ANKRD17: variants seen among roughly 807,000 people sequenced by gnomAD.
ANKRD17 encodes the protein ankyrin repeat domain-containing protein 17.
ANKRD17 carries 19 observed loss-of-function variants against 229.7 expected under a neutral mutation model. The observed-to-expected ratio is 0.08, with a 90% CI of 0.06 to 0.12. The LOEUF (loss-of-function observed/expected upper bound fraction) is 0.12. Among genes scored for constraint, ANKRD17 ranks in the 10% least tolerant of loss-of-function variants. ANKRD17 has a pLI of 1.00. For missense variants in ANKRD17, 2,176 were observed against 3,176.8 expected, an observed-to-expected ratio of 0.68 and a Z score of 7.57; for synonymous variants, 1,112 against 1,146.1, an observed-to-expected ratio of 0.97 and a Z score of 0.60.
At chr4:73,129,411 G>C (rs1017190745) in intron 16 of ANKRD17, among the ~76,000 whole-genome samples, 17 of 152,174 alleles carry the variant, frequency 1.1e-4, no homozygotes, top group Admixed American at 3.3e-4. Flanking sequence ...AAAAAGCACT[G>C]AACTGTGTGA....
At chr4:73,106,599 G>T (rs981366893) in intron 24 of ANKRD17, among the ~76,000 whole-genome samples, 2 of 152,054 alleles carry the variant, frequency 1.3e-5, no homozygotes, top group Non-Finnish European at 2.9e-5. Context: ...AAAATACGCG[G>T]GCTGGGCACG....
At chr4:73,238,559 G>A (rs972531885) in intron 1 of ANKRD17, among the ~76,000 whole-genome samples, 1 of 152,064 alleles carries the variant, frequency 6.6e-6, no homozygotes, top group African/African-American at 2.4e-5. Flanking sequence ...GCTACATTCA[G>A]GTAAAGTGTT....
chr4:73,200,263 A>T (rs1296026910), intron 1 of ANKRD17, among the ~76,000 whole-genome samples: 1 of 152,130 alleles, frequency 6.6e-6, no homozygotes, highest in East Asian at 1.9e-4. Context: ...TTTGTCTCAG[A>T]ACAGTGGTTC....
At chr4:73,121,789 T>C (rs1234651727) in intron 18 of ANKRD17, 30 bp from the exon 19 acceptor site, 2 of 1,559,410 alleles carry the variant, frequency 1.3e-6, no homozygotes, top group South Asian at 1.2e-5. Context: ...AAATATGTTT[T>C]CTTATGGAGA....
At chr4:73,209,156 A>C (rs1002566232) in intron 1 of ANKRD17, among the ~76,000 whole-genome samples, 4 of 152,260 alleles carry the variant, frequency 2.6e-5, no homozygotes, top group Non-Finnish European at 5.9e-5. Context: ...TAGTGAGCCA[A>C]GATCGTGCCA....
chr4:73,111,441 A>T (rs1310412685), intron 24 of ANKRD17, among the ~76,000 whole-genome samples: 1 of 152,162 alleles, frequency 6.6e-6, no homozygotes, highest in Non-Finnish European at 1.5e-5. Context: ...ATTTCATCAC[A>T]CTACTCAGAA....
intron 15 of ANKRD17, among the ~76,000 whole-genome samples, chr4:73,137,506 G>A (rs965651830): frequency 5.3e-5 from 8 of 152,132 alleles, no homozygotes; most frequent in Admixed American, 3.9e-4. Context: ...AAACCCCTAA[G>A]AAAGAAGTGG....
chr4:73,257,963 C>A, intron 1 of ANKRD17, among the ~76,000 whole-genome samples: 1 of 147,748 alleles, frequency 6.8e-6, no homozygotes, highest in Non-Finnish European at 1.5e-5. Context: ...GCAGACCACC[C>A]CCCCACCCCC....
intron 1 of ANKRD17, among the ~76,000 whole-genome samples, chr4:73,195,542 C>T (rs1303815378): frequency 6.6e-6 from 1 of 151,978 alleles, no homozygotes; most frequent in Non-Finnish European, 1.5e-5. Context: ...CAGAGTCTCA[C>T]TCTGTCACCA....
At chr4:73,257,426 C>G (rs1745549611) in intron 1 of ANKRD17, among the ~76,000 whole-genome samples, 1 of 152,154 alleles carries the variant, frequency 6.6e-6, no homozygotes, top group African/African-American at 2.4e-5. Context: ...CCTTCCTATT[C>G]CAACTCACCA....
intron 1 of ANKRD17, among the ~76,000 whole-genome samples, chr4:73,182,999 A>G (rs967650525): frequency 8.5e-5 from 13 of 152,178 alleles, no homozygotes; most frequent in Non-Finnish European, 4.4e-5. Flanking sequence ...AAAAATCATG[A>G]AGGAGAAAGA....
chr4:73,083,937 A>AC (rs949287439), intron 30 of ANKRD17, among the ~76,000 whole-genome samples: 109 of 151,986 alleles, frequency 7.2e-4, no homozygotes, highest in African/African-American at 2.4e-3. Context: ...AGTTAAAAAA[A>AC]AAAACAAAAC....
At position 73,139,941 on chromosome 4, in the gene ANKRD17, T is replaced by C; in HGVS notation, c.2675A>G (p.Lys892Arg). Residue 892 changes from lysine (K) to arginine (R), a missense_variant, in exon 15 of 34, where the codon AAA (lysine) becomes AGA (arginine). Physicochemically the swap from Lys to Arg is conservative, Grantham distance 26. Around this residue, in one of 18 missense-constraint regions of ANKRD17, gnomAD observed 230 missense variants for 252.3 expected, o/e 0.91. Transcript: ENST00000358602. ...QQLKKQYLEV[K>R]AQRIQLQQQQ... ...TTGCTGAAGTTGAATTCTTTGAGCTTTAACCTCTAGATACTGCTTTTTTAG... is the reference window on the plus strand; with the variant it reads ...TTGCTGAAGTTGAATTCTTTGAGCTCTAACCTCTAGATACTGCTTTTTTAG... 1 of 1,614,208 alleles carries C rather than the reference T, an allele frequency of 6.2e-7. No individual in the cohort carries two copies. Among genetic ancestry groups the C allele is most frequent in the South Asian group, 1.1e-5 (1 of 91,080 alleles).
Position 73,249,054 on chromosome 4 carries a change from T to C in ANKRD17, c.393+9222A>G, listed in dbSNP as rs142940580. Among the ~76,000 whole-genome samples, 1,035 of 152,258 alleles carry C rather than the reference T, an allele frequency of 6.8e-3. 11 individuals are homozygous for C. The highest frequency in any genetic ancestry group is 0.024 in the African/African-American group (1,004 of 41,532). ...TTTCTTGTCAATCTTCACATTTAGG[T>C]TGACAGGAAAAGAGGGAAAGGAAAA... On this transcript the variant is annotated intron_variant, in intron 1 of 33. Transcript: ENST00000358602.
intron 15 of ANKRD17, among the ~76,000 whole-genome samples, chr4:73,136,901 T>A (rs1728962671): frequency 6.6e-6 from 1 of 151,902 alleles, no homozygotes; most frequent in African/African-American, 2.4e-5. Context: ...AAAATCTAAG[T>A]TTTATTGTTA....
At chr4:73,085,553 ATT>A in intron 29 of ANKRD17, 107 bp from the exon 30 acceptor site, 1 of 1,019,894 alleles carries the variant, frequency 9.8e-7, no homozygotes, top group Non-Finnish European at 1.4e-6. Flanking sequence ...ATTTTAGATA[ATT>A]AAAAAAATCC....
chr4:73,083,358 C>A (rs1721764319), intron 30 of ANKRD17, among the ~76,000 whole-genome samples: 1 of 152,058 alleles, frequency 6.6e-6, no homozygotes, highest in Admixed American at 6.6e-5. Context: ...AAGAAAATAT[C>A]CTTATTCTTA....
chr4:73,107,556 TG>T (rs1228694811), intron 24 of ANKRD17, among the ~76,000 whole-genome samples: 3 of 152,258 alleles, frequency 2.0e-5, no homozygotes, highest in Admixed American at 2.0e-4. Context: ...AATGTGTGTA[TG>T]GAGACAAATG....
At chr4:73,221,807 G>A (rs1741891934) in intron 1 of ANKRD17, among the ~76,000 whole-genome samples, 1 of 152,200 alleles carries the variant, frequency 6.6e-6, no homozygotes, top group African/African-American at 2.4e-5. Context: ...ATTGGCAGGT[G>A]TCTGCAAGGA....
Sources: gnomAD v4.1 joint callset for allele counts (sites outside exome capture counted in the v4.1 genomes callset) on GRCh38, gnomAD v4.1.1 for gene constraint, gnomAD v4.1.1 regional missense constraint, MANE v1.5 for transcripts, NCBI Gene and HGNC (gene_info 2026-07-23, HGNC 2026-07-21) for gene names.